Variants in KCNIP4 observed in about 807,000 individuals in gnomAD.
KCNIP4 encodes Kv channel-interacting protein 4.
A neutral mutation model predicts 34.0 loss-of-function variants in KCNIP4; 12 were observed. The ratio of observed to expected loss-of-function variants is 0.35; its 90% CI spans 0.23 to 0.57. The LOEUF (loss-of-function observed/expected upper bound fraction) is 0.57, where lower values mean the gene tolerates loss of function less well. Among genes scored for constraint, KCNIP4 ranks in the 20% least tolerant of loss-of-function variants. The pLI, the probability that KCNIP4 is intolerant of heterozygous loss-of-function variation, is 0.83. For synonymous variants in KCNIP4, 124 were observed against 102.2 expected, an observed-to-expected ratio of 1.21 and a Z score of -1.29; for missense variants, 238 against 311.7, an observed-to-expected ratio of 0.76 and a Z score of 1.78.
intron 1 of KCNIP4, among the ~76,000 whole-genome samples, chr4:21,608,590 C>T (rs1743903836): frequency 1.3e-5 from 2 of 152,146 alleles, no homozygotes; most frequent in Non-Finnish European, 2.9e-5. Flanking sequence ...TTGGGGCCTC[C>T]AGGATAATCT....
chr4:20,837,466 C>G (rs986598111), intron 3 of KCNIP4, among the ~76,000 whole-genome samples: 1 of 151,882 alleles, frequency 6.6e-6, no homozygotes, highest in African/African-American at 2.4e-5. Context: ...AGAAAATGAT[C>G]TGATTTTATG....
At chr4:21,267,492 A>G (rs1354626766) in intron 1 of KCNIP4, among the ~76,000 whole-genome samples, 3 of 151,620 alleles carry the variant, frequency 2.0e-5, no homozygotes, top group African/African-American at 7.3e-5. Flanking sequence ...GGTTTGTCAT[A>G]AATAGCTCTT....
chr4:21,558,883 T>C (rs1400278454), intron 1 of KCNIP4, among the ~76,000 whole-genome samples: 1 of 152,150 alleles, frequency 6.6e-6, no homozygotes, highest in African/African-American at 2.4e-5. Flanking sequence ...CTTCTACTGG[T>C]TGGAAATTTA....
rs1046346409 is a variant in KCNIP4 at position 21,215,811 on chromosome 4, G to GTTGT, written c.62-333106_62-333103dup. On this transcript the variant is annotated intron_variant, in intron 1 of 8. Coordinates refer to ENST00000382152, the MANE Select transcript of KCNIP4 (RefSeq NM_025221.6). ...GACCAAGATATTCTTTGTTGTTGTT[G>GTTGT]TTGTTTGTTTGTTTGTTTGTTTTGA... is the stretch of plus-strand genomic sequence containing the variant. Among the ~76,000 whole-genome samples the GTTGT allele has an allele frequency of 6.6e-5, 10 of 152,156 alleles. No individual in the cohort carries two copies. The East Asian group carries it at 7.7e-4, about 12-fold the overall frequency.
intron 1 of KCNIP4, among the ~76,000 whole-genome samples, chr4:21,211,722 C>A (rs1374928571): frequency 1.3e-5 from 2 of 152,042 alleles, no homozygotes; most frequent in Non-Finnish European, 2.9e-5. Flanking sequence ...ATTGTGCAAG[C>A]AGTATTTAAC....
intron 1 of KCNIP4, among the ~76,000 whole-genome samples, chr4:21,220,212 G>T (rs1198239976): frequency 1.3e-5 from 2 of 152,162 alleles, no homozygotes; most frequent in Admixed American, 1.3e-4. Context: ...CTAGTACAGT[G>T]ACTATGTGAC....
At chr4:21,909,805 GGC>G (rs1321374803) in intron 1 of KCNIP4, among the ~76,000 whole-genome samples, 1 of 152,072 alleles carries the variant, frequency 6.6e-6, no homozygotes, top group East Asian at 1.9e-4. Flanking sequence ...CATGGCGACA[GGC>G]AAAGGGAGAA....
chr4:21,396,549 C>CAA (rs555585102), intron 1 of KCNIP4, among the ~76,000 whole-genome samples: 2,226 of 52,790 alleles, frequency 0.042, 217 homozygotes, highest in East Asian at 0.24. Flanking sequence ...AGCAAGACTC[C>CAA]AAAAAAAAAA....
intron 1 of KCNIP4, among the ~76,000 whole-genome samples, chr4:21,401,053 C>A (rs535576690): frequency 1.3e-5 from 2 of 152,170 alleles, no homozygotes; most frequent in South Asian, 2.1e-4. Flanking sequence ...CCTAGCTACT[C>A]GGGAGGCTGA....
chr4:20,881,423 A>G (rs1274100245), intron 2 of KCNIP4, among the ~76,000 whole-genome samples: 1 of 152,212 alleles, frequency 6.6e-6, no homozygotes, highest in Non-Finnish European at 1.5e-5. Context: ...CCCAATACTC[A>G]GGGAATTCCA....
Position 21,349,588 on chromosome 4 carries a change from A to G in KCNIP4, c.62-466879T>C, listed in dbSNP as rs137941803. On this transcript the variant is annotated intron_variant, in intron 1 of 8. Transcript: ENST00000382152. ...ATAGAAGGCATTTAATTACTAAGTA[A>G]TAAATTTGGGGGCCCTTACAAATAA... 2.7e-3 allele frequency among the ~76,000 whole-genome samples: 404 copies of G among 152,290 alleles called. 4 individuals are homozygous for G. Among genetic ancestry groups the G allele is most frequent in the African/African-American group, 9.4e-3 (391 of 41,566 alleles).
chr4:21,705,626 G>A (rs548385519), intron 1 of KCNIP4, among the ~76,000 whole-genome samples: 5 of 152,144 alleles, frequency 3.3e-5, no homozygotes, highest in African/African-American at 1.2e-4. Context: ...TGAGCATGTC[G>A]AATGGAGGGA....
intron 1 of KCNIP4, among the ~76,000 whole-genome samples, chr4:21,442,282 G>T (rs1431676220): frequency 6.6e-6 from 1 of 152,106 alleles, no homozygotes. Flanking sequence ...TAGCACTTGT[G>T]GTTCATCATG....
chr4:21,176,379 T>C (rs553861556), intron 1 of KCNIP4, among the ~76,000 whole-genome samples: 1 of 152,188 alleles, frequency 6.6e-6, no homozygotes, highest in South Asian at 2.1e-4. Context: ...GGCTCCACAA[T>C]CATGCATGCT....
At chr4:21,476,203 T>C (rs13136234) in intron 1 of KCNIP4, among the ~76,000 whole-genome samples, 1 of 152,086 alleles carries the variant, frequency 6.6e-6, no homozygotes, top group Non-Finnish European at 1.5e-5. Flanking sequence ...AGAAAAGTAA[T>C]CTATACTTAT....
rs537856921 is a variant in KCNIP4, at chr4:21,697,316, TAAAAAAAAA to T, written c.61+251246_61+251254del. 161 of 1,227,106 alleles carry T rather than the reference TAAAAAAAAA, an allele frequency of 1.3e-4. No individual in the cohort carries two copies. In the African/African-American group the frequency reaches 2.9e-3, roughly 22 times the overall value. 76.0% of individuals were successfully genotyped at this position (1,227,106 alleles called of 1,614,324 possible). A position where few individuals can be genotyped will look rare whatever the true frequency, so the allele number is the denominator to read the frequency against. ...ATTACCATGCTCTACTAGCCTCTAC[TAAAAAAAAA>T]AAAAAAAAAAAAAAAAGTCATTACC... On this transcript the variant is annotated intron_variant, in intron 1 of 8. Coordinates refer to ENST00000382152, the MANE Select transcript of KCNIP4 (RefSeq NM_025221.6).
At chr4:21,043,982 A>G (rs779364536) in intron 1 of KCNIP4, among the ~76,000 whole-genome samples, 7 of 152,122 alleles carry the variant, frequency 4.6e-5, no homozygotes, top group Admixed American at 1.3e-4. Context: ...TGGATTAGGA[A>G]TACAATGGGA....
At chr4:21,306,821 C>A (rs1395056143) in intron 1 of KCNIP4, among the ~76,000 whole-genome samples, 1 of 145,810 alleles carries the variant, frequency 6.9e-6, no homozygotes, top group African/African-American at 2.5e-5. Context: ...TAGGCAGGAA[C>A]TTTTTTTTTT....
At chr4:21,884,902 A>T (rs1403376439) in intron 1 of KCNIP4, among the ~76,000 whole-genome samples, 1 of 151,762 alleles carries the variant, frequency 6.6e-6, no homozygotes, top group Non-Finnish European at 1.5e-5. Flanking sequence ...CCAGCTCACT[A>T]CTCAGGAGTC....
Sources: gnomAD v4.1 joint callset for allele counts (sites outside exome capture counted in the v4.1 genomes callset) on GRCh38, gnomAD v4.1.1 for gene constraint, MANE v1.5 for transcripts, NCBI Gene and HGNC (gene_info 2026-07-23, HGNC 2026-07-21) for gene names.